NAV1: variants seen among roughly 807,000 people sequenced by gnomAD.
The protein encoded by NAV1 is neuron navigator 1.
A neutral mutation model predicts 175.2 loss-of-function variants in NAV1; 18 were observed. That is an observed-to-expected ratio of 0.10 (90% confidence interval 0.07 to 0.15). The LOEUF (loss-of-function observed/expected upper bound fraction) is 0.15, where lower values mean the gene tolerates loss of function less well. Among genes scored for constraint, NAV1 ranks in the 10% least tolerant of loss-of-function variants. NAV1 has a pLI of 1.00. For missense variants in NAV1, 1,731 were observed against 2,436.6 expected (o/e 0.71, Z 6.10); for synonymous variants, 897 against 978.7 (o/e 0.92, Z 1.56).
chr1:201,702,159 T>G (rs1314380549), intron 1 of NAV1, among the ~76,000 whole-genome samples: 1 of 152,130 alleles, frequency 6.6e-6, no homozygotes, highest in Non-Finnish European at 1.5e-5. Flanking sequence ...TACATTTCTA[T>G]GAAATGTCTA....
At chr1:201,571,348 C>G (rs912610030) in intron 1 of NAV1, among the ~76,000 whole-genome samples, 3 of 152,224 alleles carry the variant, frequency 2.0e-5, no homozygotes, top group African/African-American at 7.2e-5. Context: ...ATAATTGGTG[C>G]CCAGTGAATA....
At chr1:201,645,939 G>A (rs1469919825), upstream of NAV1, among the ~76,000 whole-genome samples, 1 of 152,216 alleles carries the variant, frequency 6.6e-6, no homozygotes, top group Non-Finnish European at 1.5e-5. Flanking sequence ...GAGTAAGGAT[G>A]AGGACTGTAG....
chr1:201,719,836 C>G (rs1672298353), intron 3 of NAV1, among the ~76,000 whole-genome samples: 1 of 151,846 alleles, frequency 6.6e-6, no homozygotes, highest in Non-Finnish European at 1.5e-5. Context: ...AATAAAAATC[C>G]CAGACTTCAA....
chr1:201,676,662 A>G (rs1670265171), intron 1 of NAV1, among the ~76,000 whole-genome samples: 2 of 152,212 alleles, frequency 1.3e-5, no homozygotes, highest in South Asian at 2.1e-4. Flanking sequence ...TAAAAGGTGA[A>G]CACAATCTTT....
At chr1:201,658,047 G>T (rs1669472211) in intron 1 of NAV1, among the ~76,000 whole-genome samples, 1 of 152,188 alleles carries the variant, frequency 6.6e-6, no homozygotes, top group Non-Finnish European at 1.5e-5. Context: ...CAGGTAATCT[G>T]CCCAAAGCCA....
At position 201,626,045 on chromosome 1, in the gene NAV1, G is replaced by C. The variant is rs189882109; in HGVS notation, c.-101+2439G>C. Among the ~76,000 whole-genome samples the C allele has an allele frequency of 1.6e-3, 241 of 152,296 alleles. 1 individual carries two copies. Among genetic ancestry groups the C allele is most frequent in the African/African-American group, 5.7e-3 (237 of 41,560 alleles). Reference sequence around the variant, plus strand: ...AAAGACCTGACTCATCACCATGGTGGTTAGAAGTTAGTTCAAGACAGATTT... The same window carrying C: ...AAAGACCTGACTCATCACCATGGTGCTTAGAAGTTAGTTCAAGACAGATTT... On this transcript the variant is annotated intron_variant, in intron 1 of 29. Coordinates refer to the NAV1 transcript ENST00000367302.
intron 1 of NAV1, among the ~76,000 whole-genome samples, chr1:201,697,800 C>T (rs765209411): frequency 4.6e-5 from 7 of 152,204 alleles, no homozygotes; most frequent in Admixed American, 3.9e-4. Flanking sequence ...TCTTCTCCTA[C>T]GGTGTCACTT....
At position 201,629,689 on chromosome 1, in the gene NAV1, C is replaced by T. The variant is rs1189318447; in HGVS notation, c.4+182C>T. On this transcript the variant is annotated intron_variant, in intron 2 of 29. Coordinates refer to the NAV1 transcript ENST00000367302. ...TCAACCCAGGGTTGGTCCATCAAAC[C>T]CAGGAGCCTTTTAGGGGCAGCATAG... The T allele has an allele frequency of 1.1e-5, 4 of 350,808 alleles. No homozygotes were observed. The East Asian group carries it at 4.1e-4, about 36-fold the overall frequency. The allele number at this position is 350,808 out of a possible 1,614,324, so 21.7% of individuals were successfully genotyped here. A position where few individuals can be genotyped will look rare whatever the true frequency, so the allele number is the denominator to read the frequency against.
chr1:201,617,983 A>C (rs1405895542), upstream of NAV1, among the ~76,000 whole-genome samples: 1 of 152,210 alleles, frequency 6.6e-6, no homozygotes, highest in African/African-American at 2.4e-5. Flanking sequence ...CATTTGGTCC[A>C]TTAAGAATGT....
chr1:201,548,214 A>G (rs965364035), intron 1 of NAV1, among the ~76,000 whole-genome samples: 1 of 152,236 alleles, frequency 6.6e-6, no homozygotes, highest in Non-Finnish European at 1.5e-5. Flanking sequence ...AATGACATTT[A>G]CTGATAGTCT....
chr1:201,782,136 G>A lies in NAV1; in HGVS notation c.1664-40G>A, dbSNP rs1676365203. ...AAAAGGGTGGGTTTTTAAGATACTG[G>A]TCAGTTTCAGCTCTTTTCTCATTTC... On this transcript the variant is annotated intron_variant, in intron 5 of 29. Coordinates refer to ENST00000367296, the Ensembl canonical transcript of NAV1. This position sits in a 1 kb window ranked among gnomAD's most constrained non-coding sequence, Gnocchi z 5.4. 10 of 1,510,682 alleles carry A rather than the reference G, an allele frequency of 6.6e-6. No individual in the cohort carries two copies. The highest frequency in any genetic ancestry group is 8.9e-6 in the Non-Finnish European group (10 of 1,123,412). 93.6% of individuals were successfully genotyped at this position (1,510,682 alleles called of 1,614,324 possible). A position where few individuals can be genotyped will look rare whatever the true frequency, so the allele number is the denominator to read the frequency against.
In NAV1 at chr1:201,813,518, T is replaced by G. The variant is rs751393373; in HGVS notation, c.5340+260T>G. On this transcript the variant is annotated intron_variant, in intron 28 of 29. Coordinates refer to ENST00000367296, the Ensembl canonical transcript of NAV1. This position sits in a 1 kb window ranked among gnomAD's most constrained non-coding sequence, Gnocchi z 4.2. ...TCTAAGCCCAATTTAAACCACTCTC[T>G]AGGGGTCAGAGCAAACAGAAAAATA... Among the ~76,000 whole-genome samples, 11 of 152,102 alleles carry G rather than the reference T, an allele frequency of 7.2e-5. No homozygotes were observed. Among genetic ancestry groups the G allele is most frequent in the Non-Finnish European group, 1.3e-4 (9 of 68,032 alleles).
chr1:201,593,715 T>C (rs918047251), intron 2 of NAV1, among the ~76,000 whole-genome samples: 13 of 152,226 alleles, frequency 8.5e-5, no homozygotes, highest in Non-Finnish European at 8.8e-5. Context: ...CAGTTTAGCA[T>C]GTGTCTGAGT....
rs777541706 is a variant in NAV1, at chr1:201,718,744, C to T, written c.1215C>T (p.Asp405=). ...GCAAGACCATGACGGAGGATGATGA[C>T]ATCACTACCGGGTAAGCGCAGGGGC... The change falls in exon 3 of 30, where the codon GAC becomes GAT. Residue 405 remains aspartate (D), a synonymous_variant. Coordinates refer to ENST00000367296, the Ensembl canonical transcript of NAV1. The surrounding 1 kb of genome is among the most constrained non-coding windows in gnomAD (Gnocchi z 4.8). The T allele has an allele frequency of 1.2e-5, 20 of 1,609,356 alleles. 1 individual carries two copies. Among genetic ancestry groups the T allele is most frequent in the Middle Eastern group, 3.3e-4 (2 of 6,046 alleles).
intron 2 of NAV1, among the ~76,000 whole-genome samples, chr1:201,611,221 A>G (rs1292295667): frequency 1.3e-5 from 2 of 152,184 alleles, no homozygotes; most frequent in African/African-American, 2.4e-5. Context: ...ATTCTCTGCC[A>G]AGGACCAGGC....
At chr1:201,669,237 C>G (rs1275147472) in intron 1 of NAV1, among the ~76,000 whole-genome samples, 1 of 152,200 alleles carries the variant, frequency 6.6e-6, no homozygotes, top group Non-Finnish European at 1.5e-5. Flanking sequence ...TCACAGAATC[C>G]TCAACTCACA....
intron 3 of NAV1, among the ~76,000 whole-genome samples, chr1:201,770,387 T>C (rs1394472062): frequency 1.3e-5 from 2 of 152,156 alleles, no homozygotes; most frequent in Non-Finnish European, 2.9e-5. Flanking sequence ...GAGGAATCAG[T>C]TGCCATTCTT....
intron 1 of NAV1, among the ~76,000 whole-genome samples, chr1:201,554,555 G>A (rs1665956943): frequency 6.6e-6 from 1 of 152,220 alleles, no homozygotes; most frequent in Non-Finnish European, 1.5e-5. Context: ...AGCCGTGGGA[G>A]AGACTTTTTA....
chr1:201,651,015 G>T (rs1162098855), intron 1 of NAV1, among the ~76,000 whole-genome samples: 2 of 152,060 alleles, frequency 1.3e-5, no homozygotes, highest in Non-Finnish European at 2.9e-5. Flanking sequence ...TAAATTTTTG[G>T]CAGGCACCAT....
Sources: allele counts gnomAD v4.1 joint callset (sites outside exome capture counted in the v4.1 genomes callset), GRCh38; gene constraint gnomAD v4.1.1; non-coding constraint Gnocchi (gnomAD v3.1); transcripts MANE v1.5; gene names NCBI Gene and HGNC (gene_info 2026-07-23, HGNC 2026-07-21).